The following DIP2B variants were observed in gnomAD, a reference collection of about 807,000 sequenced individuals.
The protein encoded by DIP2B is disco-interacting protein 2 homolog B.
DIP2B carries 76 observed loss-of-function variants against 198.0 expected under a neutral mutation model. The ratio of observed to expected loss-of-function variants is 0.38; its 90% CI spans 0.32 to 0.46. The LOEUF is 0.46. DIP2B is among the 20% of genes least tolerant of loss of function. DIP2B has a pLI of 0.99. For synonymous variants in DIP2B, 701 were observed against 739.1 expected, an observed-to-expected ratio of 0.95 and a Z score of 0.84; for missense variants, 1,559 against 1,978.4, an observed-to-expected ratio of 0.79 and a Z score of 4.02.
chr12:50,581,326 A>G (rs1014564992), intron 1 of DIP2B, among the ~76,000 whole-genome samples: 3 of 149,556 alleles, frequency 2.0e-5, no homozygotes, highest in Non-Finnish European at 4.4e-5. Flanking sequence ...GCTACTGCAT[A>G]AAGAAAATGT....
intron 1 of DIP2B, among the ~76,000 whole-genome samples, chr12:50,596,573 A>G (rs564072258): frequency 4.6e-5 from 7 of 152,310 alleles, no homozygotes; most frequent in African/African-American, 1.7e-4. Context: ...ATTAAAATAG[A>G]CAGAATTCAT....
chr12:50,729,853 C>T (rs1940006630), intron 30 of DIP2B, among the ~76,000 whole-genome samples: 1 of 151,918 alleles, frequency 6.6e-6, no homozygotes, highest in Non-Finnish European at 1.5e-5. Flanking sequence ...TCTCAGCCTC[C>T]TGAGTAGCTG....
At position 50,731,430 on chromosome 12, in the gene DIP2B, C is replaced by T; in HGVS notation, c.3703C>T (p.Leu1235Phe). Reference protein sequence around the residue: ...PPMELENNLFLWLSTVNQYKI... With the variant: ...PPMELENNLFFWLSTVNQYKI... Reference sequence around the variant, plus strand: ...TATGGAGTTAGAGAACAACCTTTTCCTCTGGCTCTCCACAGTCAACCAGTA... The same window carrying T: ...TATGGAGTTAGAGAACAACCTTTTCTTCTGGCTCTCCACAGTCAACCAGTA... The change falls in exon 31 of 38, where the codon CTC (leucine) becomes TTC (phenylalanine). Residue 1235 changes from leucine (L) to phenylalanine (F), a missense_variant. Transcript: ENST00000301180. The T allele has an allele frequency of 6.2e-7, 1 of 1,614,142 alleles. No homozygotes were observed. Among genetic ancestry groups the T allele is most frequent in the Non-Finnish European group, 8.5e-7 (1 of 1,180,014 alleles).
At chr12:50,716,800 C>A (rs991677353) in intron 23 of DIP2B, among the ~76,000 whole-genome samples, 1 of 151,962 alleles carries the variant, frequency 6.6e-6, no homozygotes, top group African/African-American at 2.4e-5. Context: ...TTCTTAGTTC[C>A]GTGAGGCGGA....
At chr12:50,590,672 ATGT>A (rs1345542615) in intron 1 of DIP2B, among the ~76,000 whole-genome samples, 1 of 152,170 alleles carries the variant, frequency 6.6e-6, no homozygotes, top group African/African-American at 2.4e-5. Context: ...CCTGGCATGA[ATGT>A]TGTTTTAATT....
At chr12:50,727,942 G>C (rs1347470792) in intron 29 of DIP2B, 130 bp downstream of exon 29, 2 of 693,878 alleles carry the variant, frequency 2.9e-6, no homozygotes, top group East Asian at 5.3e-5. Context: ...CTAAGTCGCT[G>C]CTCTATTTAA....
At chr12:50,674,328 A>C in intron 5 of DIP2B, 146 bp from the exon 6 acceptor site, 1 of 814,722 alleles carries the variant, frequency 1.2e-6, no homozygotes, top group South Asian at 1.8e-5. Flanking sequence ...TCTTGCTAAT[A>C]GATTCTGATT....
At chr12:50,702,917 G>C (rs1413875641) in intron 19 of DIP2B, among the ~76,000 whole-genome samples, 1 of 152,046 alleles carries the variant, frequency 6.6e-6, no homozygotes, top group East Asian at 1.9e-4. Flanking sequence ...AATGTCTACT[G>C]TCTTGAATTT....
At position 50,741,400 on chromosome 12, in the gene DIP2B, T is replaced by C. The variant is rs1940240654; in HGVS notation, c.4355-16T>C. The C allele has an allele frequency of 1.9e-6, 3 of 1,612,424 alleles. No individual in the cohort carries two copies. The highest frequency in any genetic ancestry group is 2.5e-6 in the Non-Finnish European group (3 of 1,179,414). On this transcript the variant is annotated splice_polypyrimidine_tract_variant and intron_variant, in intron 36 of 37. Coordinates refer to ENST00000301180, the MANE Select transcript of DIP2B (RefSeq NM_173602.3). ...TATATGTCCAAGCCACATTTCTCTC[T>C]TTTTCTTTCTGTCAGAGCGTCATGA...
At chr12:50,552,222 C>T (rs1280051152) in intron 1 of DIP2B, among the ~76,000 whole-genome samples, 1 of 150,992 alleles carries the variant, frequency 6.6e-6, no homozygotes, top group Non-Finnish European at 1.5e-5. Flanking sequence ...GATCCTTTGC[C>T]CGTTTTTTAA....
At chr12:50,511,312 T>TTTTTTTTTTTTTTA (rs1593565194) in intron 1 of DIP2B, among the ~76,000 whole-genome samples, 2 of 143,654 alleles carry the variant, frequency 1.4e-5, no homozygotes, top group African/African-American at 2.6e-5. Context: ...TTTTTTTTTT[T>TTTTTTTTTTTTTTA]GAGACAGGGT....
intron 1 of DIP2B, among the ~76,000 whole-genome samples, chr12:50,562,595 T>C (rs974217641): frequency 6.6e-6 from 1 of 151,932 alleles, no homozygotes; most frequent in Non-Finnish European, 1.5e-5. Context: ...TAGCCAGGCA[T>C]GGTGATGTGC....
At chr12:50,741,869 G>A (rs1177876566) in intron 37 of DIP2B, among the ~76,000 whole-genome samples, 1 of 152,124 alleles carries the variant, frequency 6.6e-6, no homozygotes, top group Non-Finnish European at 1.5e-5. Context: ...AGCATAATAT[G>A]GTGGAAAGAA....
chr12:50,625,854 C>T, intron 1 of DIP2B, 122 bp from the exon 2 acceptor site: 2 of 1,018,214 alleles, frequency 2.0e-6, no homozygotes, highest in Admixed American at 2.2e-5. Flanking sequence ...ATACATTCCC[C>T]CCCCCAACCC....
In DIP2B at chr12:50,721,357, C is replaced by A. The variant is rs1454310809; in HGVS notation, c.3127C>A (p.Leu1043Ile). The stretch of plus-strand genomic sequence containing the variant: ...ATCTGTTCTTGGTGATAAGGGACAT[C>A]TAAATGCAGGAGATAATGTGGTGTT... ...IASVLGDKGHLNAGDNVVLLY... is the reference protein window; with the variant it reads ...IASVLGDKGHINAGDNVVLLY... The change falls in exon 26 of 38, where the codon CTA (leucine) becomes ATA (isoleucine). Residue 1043 changes from leucine (L) to isoleucine (I), a missense_variant. Coordinates refer to ENST00000301180, the MANE Select transcript of DIP2B (RefSeq NM_173602.3). The A allele has an allele frequency of 3.1e-6, 5 of 1,614,054 alleles. No homozygotes were observed. In the African/African-American group the frequency reaches 5.3e-5, roughly 17 times the overall value.
chr12:50,737,119 T>G lies in DIP2B; in HGVS notation c.4176+9T>G, dbSNP rs376418730. On this transcript the variant is annotated intron_variant, in intron 35 of 37. Transcript: ENST00000301180. ...ACTCTCACCTTGGAGAGGTTTGTAA[T>G]AATTTTCATTTTTACTCTGAAAAGT... 6.2e-7 allele frequency: 1 copy of G among 1,612,386 alleles called. No individual in the cohort carries two copies. Among genetic ancestry groups the G allele is most frequent in the African/African-American group, 1.3e-5 (1 of 74,924 alleles).
At chr12:50,522,131 G>T (rs1338781894) in intron 1 of DIP2B, among the ~76,000 whole-genome samples, 1 of 151,938 alleles carries the variant, frequency 6.6e-6, no homozygotes, top group Non-Finnish European at 1.5e-5. Context: ...CCGCTGAGTA[G>T]CTGGGATTAC....
At chr12:50,567,776 C>T (rs752716816) in intron 1 of DIP2B, among the ~76,000 whole-genome samples, 23 of 152,176 alleles carry the variant, frequency 1.5e-4, no homozygotes, top group Non-Finnish European at 2.5e-4. Context: ...GATCTGCCCG[C>T]CTTGGCTTCC....
chr12:50,570,505 G>A (rs1036037861), intron 1 of DIP2B, among the ~76,000 whole-genome samples: 1 of 152,180 alleles, frequency 6.6e-6, no homozygotes, highest in African/African-American at 2.4e-5. Flanking sequence ...GCGGTCAGGA[G>A]TTCAAGACCA....
Sources: gnomAD v4.1 joint callset for allele counts (sites outside exome capture counted in the v4.1 genomes callset) on GRCh38, gnomAD v4.1.1 for gene constraint, MANE v1.5 for transcripts, NCBI Gene and HGNC (gene_info 2026-07-23, HGNC 2026-07-21) for gene names.